CNGA1: variants seen among roughly 807,000 people sequenced by gnomAD.
CNGA1 encodes cyclic nucleotide gated channel subunit alpha 1, also known as cyclic nucleotide-gated channel alpha-1.
Under a neutral mutation model 69.7 loss-of-function variants are expected in CNGA1, and 53 were observed. The ratio of observed to expected loss-of-function variants is 0.76; its 90% CI spans 0.61 to 0.96. CNGA1 has a LOEUF of 0.96. CNGA1 is among the 40% of genes least tolerant of loss of function. CNGA1 has a pLI of 0.00. For missense variants in CNGA1, 739 were observed against 811.2 expected, an observed-to-expected ratio of 0.91 and a Z score of 1.08; for synonymous variants, 249 against 283.5, an observed-to-expected ratio of 0.88 and a Z score of 1.22.
intron 3 of CNGA1, among the ~76,000 whole-genome samples, chr4:47,954,507 A>G (rs555963547): frequency 6.6e-6 from 1 of 152,300 alleles, no homozygotes; most frequent in East Asian, 1.9e-4. Context: ...CAGGTGAGCC[A>G]CACCCCTGCC....
At chr4:47,971,914 AAAC>A (rs141060682) in intron 3 of CNGA1, among the ~76,000 whole-genome samples, 54,344 of 124,466 alleles carry the variant, frequency 0.44, 10,829 homozygotes, top group Non-Finnish European at 0.54. Flanking sequence ...ACAAACAAAC[AAAC>A]AACAACAACA....
intron 9 of CNGA1, 109 bp from the exon 10 acceptor site, chr4:47,940,978 G>T: frequency 1.4e-6 from 1 of 707,240 alleles, no homozygotes; most frequent in Non-Finnish European, 2.5e-6. Context: ...AGCACACTCA[G>T]GCTAGGAGAG....
intron 3 of CNGA1, chr4:47,970,865 A>G: frequency 2.2e-6 from 1 of 453,514 alleles, no homozygotes; most frequent in Non-Finnish European, 4.4e-6. Context: ...CTTCAAAAAT[A>G]CAGTATGAGG....
intron 3 of CNGA1, among the ~76,000 whole-genome samples, chr4:47,965,923 GA>G (rs33927494): frequency 0.86 from 130,217 of 151,998 alleles, 56,113 homozygotes; most frequent in East Asian, 0.98. Flanking sequence ...GAAAAGAACA[GA>G]AAAAAAAATA....
intron 2 of CNGA1, among the ~76,000 whole-genome samples, chr4:47,991,040 CTT>C (rs1742242235): frequency 6.6e-6 from 1 of 152,122 alleles, no homozygotes; most frequent in South Asian, 2.1e-4. Flanking sequence ...ACCATGATCT[CTT>C]TATCCACTCA....
At chr4:47,955,173 CTTTTTTTTTTTTTTTTT>C (rs377338639) in intron 3 of CNGA1, among the ~76,000 whole-genome samples, 4 of 98,208 alleles carry the variant, frequency 4.1e-5, no homozygotes, top group Non-Finnish European at 7.8e-5. Flanking sequence ...TTTTTCTTTT[CTTTTTTTTTTTTTTTTT>C]TTTTTTTTTT....
At chr4:48,015,728 T>G (rs1261359099) in intron 1 of CNGA1, among the ~76,000 whole-genome samples, 1 of 152,076 alleles carries the variant, frequency 6.6e-6, no homozygotes, top group Non-Finnish European at 1.5e-5. Flanking sequence ...CACCTCAGCC[T>G]CCTGAGTAGC....
At chr4:47,952,248 G>A (rs1293278162) in intron 4 of CNGA1, among the ~76,000 whole-genome samples, 1 of 151,938 alleles carries the variant, frequency 6.6e-6, no homozygotes, top group Non-Finnish European at 1.5e-5. Flanking sequence ...CACACATGTA[G>A]TCCCAGCTAC....
At chr4:47,951,518 C>T in intron 4 of CNGA1, 49 bp from the exon 5 acceptor site, 1 of 1,242,902 alleles carries the variant, frequency 8.0e-7, no homozygotes, top group African/African-American at 1.5e-5. Context: ...TTTTCAACCA[C>T]TGCAGAGAGG....
At chr4:47,985,257 T>C (rs938518755) in intron 2 of CNGA1, among the ~76,000 whole-genome samples, 2 of 152,214 alleles carry the variant, frequency 1.3e-5, no homozygotes, top group Non-Finnish European at 2.9e-5. Context: ...TGTTTTACAA[T>C]AATTGCATTG....
chr4:47,983,497 G>A (rs1741838051), intron 2 of CNGA1, among the ~76,000 whole-genome samples: 1 of 152,154 alleles, frequency 6.6e-6, no homozygotes, highest in East Asian at 1.9e-4. Flanking sequence ...GGCTGAGGTC[G>A]GAGAATCACT....
At chr4:47,960,659 C>T (rs995976486) in intron 3 of CNGA1, among the ~76,000 whole-genome samples, 1 of 151,938 alleles carries the variant, frequency 6.6e-6, no homozygotes, top group African/African-American at 2.4e-5. Flanking sequence ...ATAGAAGTCC[C>T]AAACAGGAAG....
intron 2 of CNGA1, among the ~76,000 whole-genome samples, chr4:47,991,208 C>G (rs193064828): frequency 1.3e-5 from 2 of 152,138 alleles, no homozygotes; most frequent in Non-Finnish European, 1.5e-5. Flanking sequence ...GGCAGTTCTA[C>G]TTTTATTTCT....
rs1453952323 is a variant in CNGA1 at position 47,936,589 on chromosome 4, G to C, written c.1893C>G (p.Asp631Glu). The C allele has an allele frequency of 6.2e-7, 1 of 1,614,170 alleles. No individual in the cohort carries two copies. Residue 631 changes from aspartate (D) to glutamate (E), a missense_variant, in exon 11 of 11, where the codon GAC becomes GAG. Transcript: ENST00000514170. The stretch of plus-strand genomic sequence containing the variant: ...TTCGGGCAAACCTGGTTTGCAGGAG[G>C]TCTACTGACCCCTCCATTCGAGTAA... ...EKVTRMEGSV[D>E]LLQTRFARIL...
intron 2 of CNGA1, among the ~76,000 whole-genome samples, chr4:47,989,317 A>G (rs1291767581): frequency 6.6e-6 from 1 of 152,224 alleles, no homozygotes; most frequent in Non-Finnish European, 1.5e-5. Flanking sequence ...GTTACAGAAC[A>G]TGAGCATCCA....
At position 47,937,195 on chromosome 4, in the gene CNGA1, C is replaced by T. The variant is rs1292231725; in HGVS notation, c.1287G>A (p.Arg429=). ...ACAGGTAGTCAAACCATTTAATAAC[C>T]CTCTTTTCCATATCTTTGCTTACAT... ...FRNVSKDMEK[R]VIKWFDYLWT... Residue 429 remains arginine, a synonymous_variant, in exon 11 of 11, where the codon AGG becomes AGA. Coordinates refer to ENST00000514170, the MANE Select transcript of CNGA1 (RefSeq NM_001379270.1). 1 of 1,613,940 alleles carries T rather than the reference C, an allele frequency of 6.2e-7. No individual in the cohort carries two copies. The highest frequency in any genetic ancestry group is 1.3e-5 in the African/African-American group (1 of 74,888).
At chr4:47,970,872 G>A (rs1221666413) in intron 3 of CNGA1, 1 of 453,346 alleles carries the variant, frequency 2.2e-6, no homozygotes, top group East Asian at 7.0e-5. Flanking sequence ...AATACAGTAT[G>A]AGGCCAAGTG....
intron 2 of CNGA1, among the ~76,000 whole-genome samples, chr4:48,007,231 T>C (rs1028519465): frequency 6.6e-6 from 1 of 152,232 alleles, no homozygotes; most frequent in Non-Finnish European, 1.5e-5. Flanking sequence ...TTTATAACCT[T>C]TATAACCTTT....
intron 3 of CNGA1, among the ~76,000 whole-genome samples, chr4:47,961,779 C>CTT (rs1740454131): frequency 1.3e-5 from 2 of 152,080 alleles, no homozygotes; most frequent in Non-Finnish European, 2.9e-5. Context: ...GCTGTTGTAG[C>CTT]TACTGAGCAC....
Sources: allele counts gnomAD v4.1 joint callset (sites outside exome capture counted in the v4.1 genomes callset), GRCh38; gene constraint gnomAD v4.1.1; transcripts MANE v1.5; gene names NCBI Gene and HGNC (gene_info 2026-07-23, HGNC 2026-07-21).